Variants in POLA1 observed in about 807,000 individuals in gnomAD.
POLA1 encodes the protein DNA polymerase alpha catalytic subunit.
In POLA1, 15 loss-of-function variants were observed where a neutral mutation model predicts 124.0. The observed-to-expected ratio is 0.12, with a 90% CI of 0.08 to 0.19. POLA1 has a LOEUF of 0.19. POLA1 is among the 10% of genes least tolerant of loss of function. The probability of loss-of-function intolerance (pLI) is 1.00; values close to 1 mark genes in which losing one functional copy is unlikely to be tolerated. For missense variants in POLA1, 886 were observed against 1,103.4 expected (o/e 0.80, Z 2.79); for synonymous variants, 408 against 389.4 (o/e 1.05, Z -0.56).
At chrX:24,897,357 GCCC>G (rs10600697) in intron 35 of POLA1, among the ~76,000 whole-genome samples, 3 of 74,934 alleles carry the variant, frequency 4.0e-5, no homozygotes, top group African/African-American at 1.5e-4. Context: ...TCTCTTCACT[GCCC>G]CCCCCCCCAC....
At chrX:24,979,845 G>T (rs2048402390) in intron 36 of POLA1, among the ~76,000 whole-genome samples, 1 of 111,999 alleles carries the variant, frequency 8.9e-6, no homozygotes, top group South Asian at 3.8e-4. Context: ...GACTGCGAGT[G>T]ATGCTGCCTC....
chrX:24,991,203 C>G (rs1324413354), intron 36 of POLA1, among the ~76,000 whole-genome samples: 5 of 109,408 alleles, frequency 4.6e-5, no homozygotes, highest in African/African-American at 6.7e-5. Context: ...ACCTCCCCCC[C>G]CACACCCACC....
At chrX:24,853,993 G>A (rs746055268) in intron 34 of POLA1, among the ~76,000 whole-genome samples, 1 of 112,111 alleles carries the variant, frequency 8.9e-6, no homozygotes. Flanking sequence ...GTTAGATCCT[G>A]AGCATGTGAT....
intron 36 of POLA1, among the ~76,000 whole-genome samples, chrX:24,966,897 G>A (rs1350383012): frequency 1.8e-5 from 2 of 112,369 alleles, no homozygotes; most frequent in Non-Finnish European, 3.8e-5. Flanking sequence ...AAATGATAGG[G>A]AATGTAATTG....
intron 26 of POLA1, among the ~76,000 whole-genome samples, chrX:24,772,008 A>G (rs1333485199): frequency 8.9e-6 from 1 of 112,024 alleles, no homozygotes; most frequent in Non-Finnish European, 1.9e-5. Context: ...TATTTTCAAA[A>G]AACTTACTGT....
chrX:24,915,659 T>C (rs2047519318), intron 35 of POLA1, among the ~76,000 whole-genome samples: 1 of 112,100 alleles, frequency 8.9e-6, no homozygotes, highest in Admixed American at 9.5e-5. Context: ...CCATTTCCCA[T>C]CCCTCTAAAC....
chrX:24,947,315 T>C (rs1297793052), intron 36 of POLA1, among the ~76,000 whole-genome samples: 2 of 86,172 alleles, frequency 2.3e-5, no homozygotes, highest in Non-Finnish European at 4.3e-5. Context: ...TTGCCCAGGC[T>C]AGAGTGCATT....
chrX:24,714,625 A>C lies in POLA1; in HGVS notation c.418A>C (p.Ile140Leu). The C allele has an allele frequency of 5.0e-6, 6 of 1,196,676 alleles. No homozygotes were observed. The highest frequency in any genetic ancestry group is 6.8e-6 in the Non-Finnish European group (6 of 883,667). ...GCTCGCAGTGACAAAACCGAACAAC[A>C]TTAAGTCAATGTTCATTGCTTGTGC... Reference protein sequence around the residue: ...KKLAVTKPNNIKSMFIACAGK... With the variant: ...KKLAVTKPNNLKSMFIACAGK... Residue 140 changes from isoleucine to leucine, a missense_variant, in exon 5 of 37, where the codon ATT (isoleucine) becomes CTT (leucine). By Grantham distance (5) the Ile-to-Leu change is conservative (BLOSUM62 2). This residue lies in a region of POLA1 where 337 missense variants were observed against 402.8 expected (regional missense o/e 0.84). Coordinates refer to ENST00000379068, the MANE Select transcript of POLA1 (RefSeq NM_001330360.2).
intron 34 of POLA1, among the ~76,000 whole-genome samples, chrX:24,853,401 A>G (rs1487987415): frequency 2.7e-5 from 3 of 112,241 alleles, no homozygotes; most frequent in Non-Finnish European, 5.6e-5. Context: ...GCTCTGGTAT[A>G]TTAAAATCCA....
intron 20 of POLA1, among the ~76,000 whole-genome samples, chrX:24,740,765 A>G (rs917052959): frequency 2.7e-5 from 3 of 111,482 alleles, no homozygotes; most frequent in African/African-American, 9.8e-5. Flanking sequence ...TGCTCTTTCC[A>G]TAAGGCTTGC....
intron 32 of POLA1, among the ~76,000 whole-genome samples, chrX:24,840,118 GT>G (rs2046391654): frequency 1.8e-5 from 2 of 112,186 alleles, no homozygotes. Context: ...TTTTCAAATT[GT>G]TCTGAATGTG....
rs1555972077 is a variant in POLA1, at chrX:24,708,391, T to TA, written c.346+3924dup. 8.6e-3 allele frequency among the ~76,000 whole-genome samples: 789 copies of TA among 91,912 alleles called. 8 individuals carry two copies. Among genetic ancestry groups the TA allele is most frequent in the Middle Eastern group, 0.021 (4 of 187 alleles). 79.8% of individuals were successfully genotyped at this position (91,912 alleles called of 115,157 possible). ...AAAATACTTTTTTTTTTTTTTTTTT[T>TA]AATTTATTTTTTTATTGATAATTCT... On this transcript the variant is annotated intron_variant, in intron 4 of 36. Transcript: ENST00000379068.
Position 24,942,944 on chromosome X carries a change from G to A in POLA1, c.4261+12395G>A, listed in dbSNP as rs190327294. On this transcript the variant is annotated intron_variant, in intron 36 of 36. Coordinates refer to ENST00000379068, the MANE Select transcript of POLA1 (RefSeq NM_001330360.2). ...ACTCCTGGACTCCAGCAATCCACCC[G>A]CCTTAGCCTCCCAAAGTGCTGGGAT... 4.5e-3 allele frequency among the ~76,000 whole-genome samples: 502 copies of A among 111,930 alleles called. 2 individuals carry two copies. The highest frequency in any genetic ancestry group is 0.015 in the African/African-American group (459 of 30,823).
Position 24,716,835 on chromosome X carries a change from A to G in POLA1, c.619-49A>G, listed in dbSNP as rs111448853. ...TTTGGTCAGGGTAGGACAGTTGCATATTTTTAGTATGTAGGTCTAACTGAC... is the reference window on the plus strand; with the variant it reads ...TTTGGTCAGGGTAGGACAGTTGCATGTTTTTAGTATGTAGGTCTAACTGAC... On this transcript the variant is annotated intron_variant, in intron 7 of 36. Coordinates refer to ENST00000379068, the MANE Select transcript of POLA1 (RefSeq NM_001330360.2). 3.1e-5 allele frequency: 24 copies of G among 785,142 alleles called. 1 individual carries two copies. Among genetic ancestry groups the G allele is most frequent in the African/African-American group, 2.3e-4 (11 of 48,185 alleles). The allele number at this position is 785,142 out of a possible 1,213,427, so 64.7% of individuals were successfully genotyped here. A position where few individuals can be genotyped will look rare whatever the true frequency, so the allele number is the denominator to read the frequency against.
chrX:24,761,268 T>G (rs11573382), intron 26 of POLA1, among the ~76,000 whole-genome samples: 11 of 112,242 alleles, frequency 9.8e-5, no homozygotes, highest in Non-Finnish European at 1.3e-4. Context: ...GAGATTGATT[T>G]ATTTATTTTT....
chrX:24,988,328 C>G (rs184187077), intron 36 of POLA1, among the ~76,000 whole-genome samples: 1 of 112,638 alleles, frequency 8.9e-6, no homozygotes, highest in African/African-American at 3.2e-5. Context: ...GCACTCTAAT[C>G]CGTCAGCCTG....
chrX:24,969,873 A>G (rs2048279424), intron 36 of POLA1, among the ~76,000 whole-genome samples: 1 of 109,962 alleles, frequency 9.1e-6, no homozygotes, highest in South Asian at 4.0e-4. Flanking sequence ...CAATGTGGCC[A>G]TGTGTTCTCA....
At chrX:24,840,194 A>G (rs953376513) in intron 32 of POLA1, among the ~76,000 whole-genome samples, 4 of 112,559 alleles carry the variant, frequency 3.6e-5, no homozygotes, top group African/African-American at 6.4e-5. Context: ...ACGAGTAGCT[A>G]TTAACTTCAT....
At chrX:24,842,987 C>G (rs1427016197) in intron 33 of POLA1, among the ~76,000 whole-genome samples, 1 of 111,703 alleles carries the variant, frequency 9.0e-6, no homozygotes, top group Non-Finnish European at 1.9e-5. Context: ...TCTCCTGCCT[C>G]CCTCCCCCAA....
Sources: allele counts gnomAD v4.1 joint callset (sites outside exome capture counted in the v4.1 genomes callset), GRCh38; gene constraint gnomAD v4.1.1; regional missense constraint gnomAD v4.1.1; transcripts MANE v1.5; gene names NCBI Gene and HGNC (gene_info 2026-07-23, HGNC 2026-07-21).